Variants in KCTD16 observed in about 807,000 individuals in gnomAD.
The protein encoded by KCTD16 is BTB/POZ domain-containing protein KCTD16.
KCTD16 carries 13 observed loss-of-function variants against 33.2 expected under a neutral mutation model. That is an observed-to-expected ratio of 0.39 (90% CI 0.25 to 0.62). The LOEUF is 0.62. KCTD16 is among the 20% of genes least tolerant of loss of function. The pLI is 0.50. For synonymous variants in KCTD16, 197 were observed against 195.3 expected (o/e 1.01, Z -0.07); for missense variants, 441 against 525.1 (o/e 0.84, Z 1.57).
At position 144,423,163 on chromosome 5, in the gene KCTD16, G is replaced by A. The variant is rs1580952987; in HGVS notation, c.833-50497G>A. Among the ~76,000 whole-genome samples the A allele has an allele frequency of 1.3e-5, 2 of 152,220 alleles. 1 individual carries two copies. Among genetic ancestry groups the A allele is most frequent in the Admixed American group, 1.3e-4 (2 of 15,264 alleles). Reference sequence around the variant, plus strand: ...GAGGAACAGAAGGAAGGCCAATTTTGCTAGAGTGAAGTGATTGAGGAAGGG... The same window carrying A: ...GAGGAACAGAAGGAAGGCCAATTTTACTAGAGTGAAGTGATTGAGGAAGGG... On this transcript the variant is annotated intron_variant, in intron 3 of 3. Coordinates refer to ENST00000512467, the MANE Select transcript of KCTD16 (RefSeq NM_020768.4).
chr5:144,436,656 C>T (rs1753585941), intron 3 of KCTD16, among the ~76,000 whole-genome samples: 3 of 150,928 alleles, frequency 2.0e-5, no homozygotes, highest in South Asian at 2.1e-4. Context: ...GGTGCTATCT[C>T]GGCTCACTGC....
intron 3 of KCTD16, among the ~76,000 whole-genome samples, chr5:144,321,320 T>A (rs1295296084): frequency 6.6e-6 from 1 of 152,158 alleles, no homozygotes. Flanking sequence ...GTGTTAAAAA[T>A]GTGTATTCCT....
At chr5:144,280,407 G>A (rs1229215778) in intron 3 of KCTD16, among the ~76,000 whole-genome samples, 4 of 152,126 alleles carry the variant, frequency 2.6e-5, no homozygotes, top group African/African-American at 9.7e-5. Flanking sequence ...AGTTTTGGCA[G>A]TGTATCTTTT....
At chr5:144,176,395 T>C (rs939572845) in intron 2 of KCTD16, among the ~76,000 whole-genome samples, 1 of 141,408 alleles carries the variant, frequency 7.1e-6, no homozygotes, top group Non-Finnish European at 1.6e-5. Context: ...TTCTTTTTTT[T>C]TTTTTTTTTT....
At chr5:144,343,941 C>G in intron 3 of KCTD16, among the ~76,000 whole-genome samples, 1 of 152,090 alleles carries the variant, frequency 6.6e-6, no homozygotes, top group Non-Finnish European at 1.5e-5. Flanking sequence ...AGGCATCACG[C>G]TACCTGACTT....
chr5:144,219,095 G>C (rs1753653043), intron 3 of KCTD16, among the ~76,000 whole-genome samples: 1 of 152,192 alleles, frequency 6.6e-6, no homozygotes, highest in Admixed American at 6.5e-5. Flanking sequence ...CACATAAAAG[G>C]GGGATGAGGA....
chr5:144,442,890 T>A (rs1753744472), intron 3 of KCTD16, among the ~76,000 whole-genome samples: 1 of 151,560 alleles, frequency 6.6e-6, no homozygotes, highest in African/African-American at 2.4e-5. Flanking sequence ...AGTCCCTGGT[T>A]TTTGTTGTTG....
intron 3 of KCTD16, among the ~76,000 whole-genome samples, chr5:144,262,862 G>A (rs569841130): frequency 2.6e-5 from 4 of 152,202 alleles, no homozygotes. Context: ...CTGTCTATCT[G>A]TTCATGAGCT....
intron 3 of KCTD16, among the ~76,000 whole-genome samples, chr5:144,253,980 G>T (rs1471901006): frequency 6.6e-6 from 1 of 152,146 alleles, no homozygotes; most frequent in Non-Finnish European, 1.5e-5. Context: ...TCACTATCAT[G>T]TTGACTCCCG....
At chr5:144,425,336 A>G (rs1186036613) in intron 3 of KCTD16, among the ~76,000 whole-genome samples, 5 of 151,992 alleles carry the variant, frequency 3.3e-5, no homozygotes, top group Admixed American at 2.6e-4. Context: ...CCACAGGCCT[A>G]TAGCCTTGTT....
intron 3 of KCTD16, among the ~76,000 whole-genome samples, chr5:144,254,936 T>G (rs558684860): frequency 6.6e-6 from 1 of 152,072 alleles, no homozygotes; most frequent in Non-Finnish European, 1.5e-5. Context: ...GCTATTTTTT[T>G]AAATTTTTGT....
intron 3 of KCTD16, among the ~76,000 whole-genome samples, chr5:144,420,889 G>A (rs939465478): frequency 8.5e-5 from 13 of 152,092 alleles, no homozygotes; most frequent in African/African-American, 3.1e-4. Flanking sequence ...GGTTTGGATT[G>A]CCCTCCGAAT....
rs187934025 is a variant in KCTD16 at position 144,313,859 on chromosome 5, T to C, written c.832+106313T>C. Among the ~76,000 whole-genome samples, 10 of 152,298 alleles carry C rather than the reference T, an allele frequency of 6.6e-5. No homozygotes were observed. The East Asian group carries it at 1.9e-3, about 29-fold the overall frequency. On this transcript the variant is annotated intron_variant, in intron 3 of 3. Coordinates refer to ENST00000512467, the MANE Select transcript of KCTD16 (RefSeq NM_020768.4). ...GTATTAGTAGTAGTAATAGTACTTA[T>C]TAAGCCTGCAGCATGCCAGGCACTG...
At chr5:144,350,427 A>G (rs1008447748) in intron 3 of KCTD16, among the ~76,000 whole-genome samples, 1 of 152,212 alleles carries the variant, frequency 6.6e-6, no homozygotes, top group African/African-American at 2.4e-5. Context: ...TCAATATTAA[A>G]TTATAAAGCA....
chr5:144,314,487 G>C (rs892834906), intron 3 of KCTD16, among the ~76,000 whole-genome samples: 2 of 152,104 alleles, frequency 1.3e-5, no homozygotes, highest in African/African-American at 4.8e-5. Context: ...GGAGAGGTTG[G>C]TCAGGTAGCC....
intron 3 of KCTD16, among the ~76,000 whole-genome samples, chr5:144,297,166 G>GT (rs1491533772): frequency 6.6e-6 from 1 of 152,104 alleles, no homozygotes; most frequent in African/African-American, 2.4e-5. Flanking sequence ...TCTTTTACAC[G>GT]TTTGAGTTTC....
At chr5:144,413,538 A>G (rs912697509) in intron 3 of KCTD16, among the ~76,000 whole-genome samples, 3 of 152,194 alleles carry the variant, frequency 2.0e-5, no homozygotes, top group African/African-American at 7.2e-5. Flanking sequence ...TTTTTCAGGA[A>G]TGTATCATCA....
intron 3 of KCTD16, among the ~76,000 whole-genome samples, chr5:144,401,926 G>C (rs559329798): frequency 6.6e-6 from 1 of 152,302 alleles, no homozygotes; most frequent in Admixed American, 6.5e-5. Flanking sequence ...TTGGATTCCT[G>C]TTCTCTTCAT....
intron 3 of KCTD16, among the ~76,000 whole-genome samples, chr5:144,401,865 A>G (rs747747229): frequency 1.6e-4 from 25 of 152,202 alleles, no homozygotes; most frequent in Non-Finnish European, 2.6e-4. Context: ...GAATTACTCA[A>G]ATTAACACAG....
Sources: allele counts gnomAD v4.1 joint callset (sites outside exome capture counted in the v4.1 genomes callset), GRCh38; gene constraint gnomAD v4.1.1; transcripts MANE v1.5; gene names NCBI Gene and HGNC (gene_info 2026-07-23, HGNC 2026-07-21).